The following RYR2 variants were observed in gnomAD, a reference collection of about 807,000 sequenced individuals.
RYR2 encodes ryanodine receptor 2, also known as cardiac muscle ryanodine receptor-calcium release channel.
Under a neutral mutation model 601.1 loss-of-function variants are expected in RYR2, and 227 were observed. The ratio of observed to expected loss-of-function variants is 0.38; its 90% CI spans 0.34 to 0.42. The LOEUF (loss-of-function observed/expected upper bound fraction) is 0.42, where lower values mean the gene tolerates loss of function less well. Ranked by LOEUF, RYR2 falls within the 10% of genes least tolerant of loss-of-function variation. The pLI, the probability that RYR2 is intolerant of heterozygous loss-of-function variation, is 1.00. For missense variants in RYR2, 4,646 were observed against 6,156.5 expected, an observed-to-expected ratio of 0.75 and a Z score of 8.21; for synonymous variants, 2,223 against 2,175.1, an observed-to-expected ratio of 1.02 and a Z score of -0.61.
At chr1:237,677,921 G>C in intron 60 of RYR2, 127 bp from the exon 61 acceptor site, 1 of 621,556 alleles carries the variant, frequency 1.6e-6, no homozygotes, top group Admixed American at 2.9e-5. Context: ...TATATTTTTG[G>C]TTGGCTTTTT....
At chr1:237,235,016 G>C (rs986957439) in intron 1 of RYR2, among the ~76,000 whole-genome samples, 1 of 152,040 alleles carries the variant, frequency 6.6e-6, no homozygotes, top group African/African-American at 2.4e-5. Context: ...TGGGGTTCAG[G>C]GTCCACTTGG....
intron 3 of RYR2, among the ~76,000 whole-genome samples, chr1:237,335,357 T>G (rs1465128406): frequency 6.6e-6 from 1 of 152,220 alleles, no homozygotes; most frequent in Non-Finnish European, 1.5e-5. Context: ...TTTAAGGATT[T>G]CATCTCCTAT....
chr1:237,415,449 A>G (rs984652313), intron 10 of RYR2, among the ~76,000 whole-genome samples: 1 of 152,220 alleles, frequency 6.6e-6, no homozygotes, highest in Admixed American at 6.5e-5. Context: ...AAAGAAATAG[A>G]CAATTATGTA....
In RYR2 at chr1:237,591,720, G is replaced by A. The variant is rs1463465131; in HGVS notation, c.4161-19G>A. ...AACATTTTAATGTTGCTTATTGTTA[G>A]TCCTCTGAAATATTTCAGATTTTTG... On this transcript the variant is annotated intron_variant, in intron 31 of 104. Coordinates refer to ENST00000366574, the MANE Select transcript of RYR2 (RefSeq NM_001035.3). The A allele has an allele frequency of 6.4e-7, 1 of 1,558,564 alleles. No homozygotes were observed. The highest frequency in any genetic ancestry group is 1.4e-5 in the African/African-American group (1 of 73,890).
intron 10 of RYR2, among the ~76,000 whole-genome samples, chr1:237,388,602 A>G (rs1259740453): frequency 2.6e-5 from 4 of 152,274 alleles, no homozygotes; most frequent in East Asian, 1.9e-4. Context: ...ATGACCTCTC[A>G]TTTATTGATA....
rs749212822 is a variant in RYR2 at position 237,733,785 on chromosome 1, G to A, written c.11091+29G>A. 21 of 1,450,700 alleles carry A rather than the reference G, an allele frequency of 1.4e-5. No homozygotes were observed. In the Admixed American group the frequency reaches 3.4e-4, roughly 23 times the overall value. 89.9% of individuals were successfully genotyped at this position (1,450,700 alleles called of 1,614,324 possible). ...AATAAGTATCCTTCCTGATTTTCAT[G>A]TTTAATTTTAATAAAGGGAAGTAAC... On this transcript the variant is annotated intron_variant, in intron 79 of 104. Coordinates refer to ENST00000366574, the MANE Select transcript of RYR2 (RefSeq NM_001035.3).
At chr1:237,771,265 T>A (rs1345023469) in intron 85 of RYR2, among the ~76,000 whole-genome samples, 2 of 151,770 alleles carry the variant, frequency 1.3e-5, no homozygotes, top group African/African-American at 2.4e-5. Context: ...TAAAAAATTA[T>A]CCAGACATGG....
chr1:237,132,162 G>A (rs1056946996), intron 1 of RYR2, among the ~76,000 whole-genome samples: 2 of 152,186 alleles, frequency 1.3e-5, no homozygotes, highest in Admixed American at 6.5e-5. Context: ...CTTGCTCTCT[G>A]TTTGGTGACA....
chr1:237,101,094 A>G (rs949843921), intron 1 of RYR2, among the ~76,000 whole-genome samples: 2 of 152,012 alleles, frequency 1.3e-5, no homozygotes, highest in Admixed American at 1.3e-4. Context: ...AGTCTGGCCC[A>G]TCTCCCACAT....
chr1:237,672,853 GGTTA>G (rs1479490689), intron 58 of RYR2, among the ~76,000 whole-genome samples: 1 of 152,074 alleles, frequency 6.6e-6, no homozygotes, highest in Non-Finnish European at 1.5e-5. Context: ...TCCTTATTAT[GGTTA>G]GTATTTGTTA....
intron 1 of RYR2, among the ~76,000 whole-genome samples, chr1:237,134,562 C>T (rs1032506939): frequency 1.3e-5 from 2 of 152,164 alleles, no homozygotes; most frequent in African/African-American, 4.8e-5. Flanking sequence ...TCAGTTACCT[C>T]CCACTGGGTC....
At chr1:237,831,424 G>C (rs538236027) in intron 103 of RYR2, 90 bp from the exon 104 acceptor site, 3 of 736,466 alleles carry the variant, frequency 4.1e-6, no homozygotes, top group South Asian at 3.4e-5. Flanking sequence ...GGCCATAATT[G>C]ATTGCAACCA....
chr1:237,231,656 G>A (rs1173927844), intron 1 of RYR2, among the ~76,000 whole-genome samples: 1 of 152,134 alleles, frequency 6.6e-6, no homozygotes, highest in African/African-American at 2.4e-5. Flanking sequence ...CATAGAACAT[G>A]GTTTATCATG....
chr1:237,729,765 G>GTTCACTTAA (rs1690515652), intron 76 of RYR2, among the ~76,000 whole-genome samples: 1 of 152,036 alleles, frequency 6.6e-6, no homozygotes, highest in South Asian at 2.1e-4. Context: ...CTCCCATAAA[G>GTTCACTTAA]TTCACTTAAT....
chr1:237,801,829 A>T (rs1660006679), intron 97 of RYR2, 27 bp from the exon 98 acceptor site: 2 of 1,446,406 alleles, frequency 1.4e-6, no homozygotes, highest in Non-Finnish European at 1.9e-6. Context: ...GTGCATAACT[A>T]CGCATTTTTT....
chr1:237,394,179 TA>T (rs1431778063), intron 10 of RYR2, among the ~76,000 whole-genome samples: 1 of 152,256 alleles, frequency 6.6e-6, no homozygotes, highest in Admixed American at 6.5e-5. Flanking sequence ...TCTTCTTTTG[TA>T]AATTTCCAGA....
rs539561075 is a variant in RYR2, at chr1:237,483,831, T to C, written c.1709-7975T>C. ...GAAATGTCAGTGAAATCTGGAGATATTAATAAAAAGGTTCTGACCAAAAAA... is the reference window on the plus strand; with the variant it reads ...GAAATGTCAGTGAAATCTGGAGATACTAATAAAAAGGTTCTGACCAAAAAA... On this transcript the variant is annotated intron_variant, in intron 17 of 104. Coordinates refer to ENST00000366574, the MANE Select transcript of RYR2 (RefSeq NM_001035.3). Among the ~76,000 whole-genome samples, 33 of 152,258 alleles carry C rather than the reference T, an allele frequency of 2.2e-4. No individual in the cohort carries two copies. The South Asian group carries it at 6.4e-3, about 30-fold the overall frequency.
intron 11 of RYR2, among the ~76,000 whole-genome samples, chr1:237,421,956 G>T (rs1705637790): frequency 6.6e-6 from 1 of 152,004 alleles, no homozygotes; most frequent in Non-Finnish European, 1.5e-5. Context: ...TCCTTTTGAG[G>T]TTTATTTGCT....
intron 2 of RYR2, among the ~76,000 whole-genome samples, chr1:237,326,672 T>C (rs562491237): frequency 6.6e-6 from 1 of 152,314 alleles, no homozygotes; most frequent in South Asian, 2.1e-4. Context: ...GAACGTTCTT[T>C]CACATTGAAG....
Sources: gnomAD v4.1 joint callset for allele counts (sites outside exome capture counted in the v4.1 genomes callset) on GRCh38, gnomAD v4.1.1 for gene constraint, MANE v1.5 for transcripts, NCBI Gene and HGNC (gene_info 2026-07-23, HGNC 2026-07-21) for gene names.